ATG4C: variants seen among roughly 807,000 people sequenced by gnomAD.
ATG4C encodes the protein autophagy related 4C cysteine peptidase.
A neutral mutation model predicts 57.6 loss-of-function variants in ATG4C; 56 were observed. The observed-to-expected ratio is 0.97, with a 90% CI of 0.78 to 1.21. The LOEUF is 1.21. Ranked by LOEUF, ATG4C falls within the 50% of genes most tolerant of loss-of-function variation. The pLI is 0.00. For missense variants in ATG4C, 595 were observed against 529.8 expected, an observed-to-expected ratio of 1.12 and a Z score of -1.21; for synonymous variants, 157 against 174.1, an observed-to-expected ratio of 0.90 and a Z score of 0.78.
intron 3 of ATG4C, among the ~76,000 whole-genome samples, chr1:62,815,834 G>A (rs1280660786): frequency 6.6e-6 from 1 of 152,118 alleles, no homozygotes; most frequent in African/African-American, 2.4e-5. Flanking sequence ...ACAGGTGCCT[G>A]CCACCATGCC....
At chr1:62,845,385 T>C (rs986455330) in intron 10 of ATG4C, among the ~76,000 whole-genome samples, 7 of 152,186 alleles carry the variant, frequency 4.6e-5, no homozygotes, top group Admixed American at 4.6e-4. Context: ...CCCATTTGTT[T>C]CCTCTTTTGT....
intron 4 of ATG4C, among the ~76,000 whole-genome samples, chr1:62,817,437 C>G (rs558245794): frequency 6.6e-6 from 1 of 152,270 alleles, no homozygotes; most frequent in East Asian, 1.9e-4. Flanking sequence ...CTTCGAACTC[C>G]TGTGCTCAAG....
At chr1:62,838,549 A>G (rs1327841237) in intron 9 of ATG4C, among the ~76,000 whole-genome samples, 2 of 152,142 alleles carry the variant, frequency 1.3e-5, no homozygotes, top group African/African-American at 4.8e-5. Context: ...AGGCCAAGGC[A>G]GGTGGATCAC....
chr1:62,820,698 GA>G (rs1402570331), intron 5 of ATG4C, among the ~76,000 whole-genome samples: 2 of 151,904 alleles, frequency 1.3e-5, no homozygotes, highest in East Asian at 3.9e-4. Flanking sequence ...TTGAATGAAG[GA>G]AAAAAGTCAT....
At chr1:62,801,986 GA>G (rs1245839379) in intron 1 of ATG4C, among the ~76,000 whole-genome samples, 2 of 89,700 alleles carry the variant, frequency 2.2e-5, no homozygotes, top group East Asian at 6.3e-4. Context: ...AAAAAAAAAA[GA>G]AAAAAAGAAA....
intron 5 of ATG4C, among the ~76,000 whole-genome samples, 170 bp downstream of exon 5, chr1:62,819,505 TC>T (rs1171813280): frequency 6.6e-6 from 1 of 152,048 alleles, no homozygotes; most frequent in African/African-American, 2.4e-5. Flanking sequence ...ATATTGCGAC[TC>T]TAGTTACATT....
chr1:62,834,953 C>A, intron 9 of ATG4C, 101 bp downstream of exon 9: 1 of 906,142 alleles, frequency 1.1e-6, no homozygotes, highest in South Asian at 1.6e-5. Context: ...ATTATAACTA[C>A]TGGTTAATAA....
intron 7 of ATG4C, among the ~76,000 whole-genome samples, chr1:62,831,067 C>T (rs937743772): frequency 6.6e-6 from 1 of 152,090 alleles, no homozygotes; most frequent in African/African-American, 2.4e-5. Flanking sequence ...AAAACATGAA[C>T]TTTTTGAAAG....
intron 4 of ATG4C, among the ~76,000 whole-genome samples, chr1:62,817,659 C>CTA (rs1259763269): frequency 6.6e-6 from 1 of 152,100 alleles, no homozygotes; most frequent in East Asian, 1.9e-4. Flanking sequence ...AGACATATTC[C>CTA]TAATAAGGTA....
intron 3 of ATG4C, among the ~76,000 whole-genome samples, chr1:62,814,915 A>T (rs1665214197): frequency 6.6e-6 from 1 of 152,116 alleles, no homozygotes; most frequent in Non-Finnish European, 1.5e-5. Context: ...AAATACAAAA[A>T]TTAGCCTGGC....
chr1:62,827,345 C>T (rs1436038256), intron 6 of ATG4C, among the ~76,000 whole-genome samples: 1 of 152,112 alleles, frequency 6.6e-6, no homozygotes, highest in Non-Finnish European at 1.5e-5. Flanking sequence ...GATCTTTTAA[C>T]TTGGAATGCT....
chr1:62,795,074 G>A (rs193025524), intron 1 of ATG4C, among the ~76,000 whole-genome samples: 5 of 152,306 alleles, frequency 3.3e-5, no homozygotes, highest in Admixed American at 3.3e-4. Context: ...TACTATTTGA[G>A]GAAGATGCCT....
chr1:62,814,405 T>TTGTTCCCA lies in ATG4C; in HGVS notation c.161-2170_161-2169insTGTTCCCA, dbSNP rs1250393161. 7.2e-5 allele frequency among the ~76,000 whole-genome samples: 11 copies of TTGTTCCCA among 152,072 alleles called. No individual in the cohort carries two copies. The East Asian group carries it at 2.1e-3, about 29-fold the overall frequency. On this transcript the variant is annotated intron_variant, in intron 3 of 10. Transcript: ENST00000317868. ...GTGGGAGTTGAACAATGAGAATACA[T>TTGTTCCCA]GGAGACTGGGAGGGGAACATCACAC...
At chr1:62,840,013 T>C (rs1482078839) in intron 9 of ATG4C, among the ~76,000 whole-genome samples, 1 of 152,210 alleles carries the variant, frequency 6.6e-6, no homozygotes, top group Admixed American at 6.5e-5. Flanking sequence ...GTGATTTTAA[T>C]TGATTTCACC....
At chr1:62,831,205 G>A (rs1254432382) in intron 7 of ATG4C, among the ~76,000 whole-genome samples, 3 of 152,104 alleles carry the variant, frequency 2.0e-5, no homozygotes, top group African/African-American at 7.2e-5. Context: ...AAGTGGAGTA[G>A]GTTATATGAT....
chr1:62,815,700 T>G (rs1222271096), intron 3 of ATG4C, among the ~76,000 whole-genome samples: 1 of 152,162 alleles, frequency 6.6e-6, no homozygotes, highest in Non-Finnish European at 1.5e-5. Context: ...TATTTATTTT[T>G]AGAAATGAGG....
chr1:62,793,134 C>T lies in ATG4C; in HGVS notation c.-69+8861C>T, dbSNP rs371677288. The stretch of plus-strand genomic sequence containing the variant: ...ATCTCCTGACCTCATGATTCGCCCG[C>T]CTCGGCCTCCCAAAGTGCTGGGACT... On this transcript the variant is annotated intron_variant, in intron 1 of 10. Coordinates refer to ENST00000317868, the MANE Select transcript of ATG4C (RefSeq NM_032852.4). 3.5e-4 allele frequency among the ~76,000 whole-genome samples: 53 copies of T among 151,880 alleles called. No homozygotes were observed. In the East Asian group the frequency reaches 6.1e-3, roughly 17 times the overall value.
intron 6 of ATG4C, among the ~76,000 whole-genome samples, chr1:62,825,056 T>G (rs1015712554): frequency 5.3e-5 from 8 of 152,014 alleles, no homozygotes; most frequent in Admixed American, 5.2e-4. Context: ...GCCAATATGG[T>G]GAAACCCTAT....
intron 3 of ATG4C, among the ~76,000 whole-genome samples, chr1:62,816,175 A>AT (rs1041961007): frequency 2.7e-4 from 41 of 151,690 alleles, no homozygotes; most frequent in African/African-American, 8.7e-4. Context: ...TGAGTTAATG[A>AT]TTTTTTTTCT....
Sources: gnomAD v4.1 joint callset for allele counts (sites outside exome capture counted in the v4.1 genomes callset) on GRCh38, gnomAD v4.1.1 for gene constraint, MANE v1.5 for transcripts, NCBI Gene and HGNC (gene_info 2026-07-23, HGNC 2026-07-21) for gene names.